Variants in BLOC1S3 observed in about 807,000 individuals in gnomAD.
BLOC1S3 encodes the protein biogenesis of lysosome-related organelles complex 1 subunit 3.
Under a neutral mutation model 9.1 loss-of-function variants are expected in BLOC1S3, and 7 were observed. The ratio of observed to expected loss-of-function variants is 0.77; its 90% CI spans 0.44 to 1.45. The LOEUF is 1.45. Among genes scored for constraint, BLOC1S3 ranks in the 40% most tolerant of loss-of-function variants. BLOC1S3 has a pLI of 0.01. For synonymous variants in BLOC1S3, 145 were observed against 158.4 expected, an observed-to-expected ratio of 0.92 and a Z score of 0.64; for missense variants, 307 against 315.2, an observed-to-expected ratio of 0.97 and a Z score of 0.20.
intron 2 of BLOC1S3, among the ~76,000 whole-genome samples, chr19:45,188,628 A>G (rs924297427): frequency 5.3e-5 from 8 of 150,706 alleles, no homozygotes; most frequent in African/African-American, 2.0e-4. Context: ...GCTGGAGTGC[A>G]ATGGTGCATT....
At chr19:45,213,065 A>G in intron 3 of BLOC1S3, 2 of 1,477,118 alleles carry the variant, frequency 1.4e-6, no homozygotes, top group Non-Finnish European at 1.8e-6. Flanking sequence ...CGGTTGGGTG[A>G]CCCTCAGCGC....
At position 45,203,262 on chromosome 19, in the gene BLOC1S3, GTTTATTTATTTA is replaced by G. The variant is rs4012978; in HGVS notation, n.282+775_282+786del. Among the ~76,000 whole-genome samples, 28 of 149,792 alleles carry G rather than the reference GTTTATTTATTTA, an allele frequency of 1.9e-4. 1 individual carries two copies. Among genetic ancestry groups the G allele is most frequent in the Middle Eastern group, 3.4e-3 (1 of 292 alleles). ...TCCTTGTGGCCTGACTGCCTTTCAA[GTTTATTTATTTA>G]TTTATTTATTTATTTATTTGAGATG... On this transcript the variant is annotated intron_variant and non_coding_transcript_variant, in intron 3 of 3. Transcript: ENST00000591569.
At chr19:45,178,999 C>G (rs138914315) in intron 1 of BLOC1S3, among the ~76,000 whole-genome samples, 168 bp downstream of exon 1, 3 of 152,186 alleles carry the variant, frequency 2.0e-5, no homozygotes, top group Middle Eastern at 3.2e-3. Context: ...GGTGTGGCCT[C>G]TACTAGGAGG....
At chr19:45,193,096 C>T (rs1171702626) in intron 2 of BLOC1S3, among the ~76,000 whole-genome samples, 1 of 134,498 alleles carries the variant, frequency 7.4e-6, no homozygotes, top group African/African-American at 2.8e-5. Flanking sequence ...CACTCCATTG[C>T]ACTCCAGCCT....
chr19:45,184,751 T>C (rs1359435207), downstream of BLOC1S3, among the ~76,000 whole-genome samples: 1 of 151,096 alleles, frequency 6.6e-6, no homozygotes, highest in Non-Finnish European at 1.5e-5. Context: ...ATACAAAAAA[T>C]TAGCTGGGCA....
At chr19:45,207,555 CAAAA>C (rs58164218) in intron 3 of BLOC1S3, among the ~76,000 whole-genome samples, 29,146 of 66,036 alleles carry the variant, frequency 0.44, 4,685 homozygotes, top group East Asian at 0.58. Flanking sequence ...GACTCTGTCT[CAAAA>C]AAAAAAAAAA....
At position 45,179,484 on chromosome 19, in the gene BLOC1S3, C is replaced by A; in HGVS notation, c.188C>A (p.Thr63Asn). 3.3e-6 allele frequency: 5 copies of A among 1,523,820 alleles called. No homozygotes were observed. The South Asian group carries it at 3.6e-5, about 11-fold the overall frequency. 94.4% of individuals were successfully genotyped at this position (1,523,820 alleles called of 1,614,324 possible). ...GLRVAGEAAE[T>N]DSEPEPEPEP... ...CGGGTGGCTGGGGAAGCCGCGGAGACCGACTCGGAGCCGGAGCCGGAGCCG... is the reference window on the plus strand; with the variant it reads ...CGGGTGGCTGGGGAAGCCGCGGAGAACGACTCGGAGCCGGAGCCGGAGCCG... Residue 63 changes from threonine (T) to asparagine (N), a missense_variant, in exon 2 of 2, where the codon ACC becomes AAC. By Grantham distance (65) the Thr-to-Asn change is moderately conservative. Coordinates refer to ENST00000433642, the MANE Select transcript of BLOC1S3 (RefSeq NM_212550.5). This position sits in a 1 kb window ranked among gnomAD's most constrained non-coding sequence, Gnocchi z 4.6.
rs59295257 is a variant in BLOC1S3, at chr19:45,202,210, TAAAAAAAA to T, written n.181-176_181-169del. ...CTGGGTGACAGAGTGAGACTCCATC[TAAAAAAAA>T]AAAAAAAAAAAAAAAAAAAGACGTG... On this transcript the variant is annotated intron_variant and non_coding_transcript_variant, in intron 2 of 3. Coordinates refer to the BLOC1S3 transcript ENST00000591569. Among the ~76,000 whole-genome samples, 223 of 54,928 alleles carry T rather than the reference TAAAAAAAA, an allele frequency of 4.1e-3. 3 individuals are homozygous for T. The highest frequency in any genetic ancestry group is 8.7e-3 in the African/African-American group (168 of 19,210). The allele number at this position is 54,928 out of a possible 152,430, so 36.0% of individuals were successfully genotyped here. A position where few individuals can be genotyped will look rare whatever the true frequency, so the allele number is the denominator to read the frequency against.
Position 45,179,465 on chromosome 19 carries a change from G to A in BLOC1S3, c.169G>A (p.Ala57Thr). 1 of 1,524,576 alleles carries A rather than the reference G, an allele frequency of 6.6e-7. No homozygotes were observed. Among genetic ancestry groups the A allele is most frequent in the Non-Finnish European group, 8.8e-7 (1 of 1,142,098 alleles). 94.4% of individuals were successfully genotyped at this position (1,524,576 alleles called of 1,614,324 possible). The change falls in exon 2 of 2, where the codon GCT becomes ACT. Residue 57 changes from alanine (A) to threonine (T), a missense_variant. By Grantham distance (58) the Ala-to-Thr change is moderately conservative. Coordinates refer to ENST00000433642, the MANE Select transcript of BLOC1S3 (RefSeq NM_212550.5). The surrounding 1 kb of genome is among the most constrained non-coding windows in gnomAD (Gnocchi z 4.6). Reference protein sequence around the residue: ...TRGRPTGLRVAGEAAETDSEP... With the variant: ...TRGRPTGLRVTGEAAETDSEP... ...CGGCCGCCCCACGGGGCTGCGGGTG[G>A]CTGGGGAAGCCGCGGAGACCGACTC... is the stretch of plus-strand genomic sequence containing the variant.
rs1317593737 is a variant in BLOC1S3 at position 45,213,370 on chromosome 19, G to T, written n.283-3306G>T. ...CACGTGCTTCTGCCTGTGGGGAGAG[G>T]AACAGACAGGTGCATGCAGATCCCC... On this transcript the variant is annotated intron_variant and non_coding_transcript_variant, in intron 3 of 3. Transcript: ENST00000591569. 3.7e-6 allele frequency: 6 copies of T among 1,612,084 alleles called. No homozygotes were observed. The South Asian group carries it at 6.6e-5, about 18-fold the overall frequency.
At chr19:45,199,764 T>C (rs1301002674) in intron 2 of BLOC1S3, among the ~76,000 whole-genome samples, 1 of 151,820 alleles carries the variant, frequency 6.6e-6, no homozygotes, top group Non-Finnish European at 1.5e-5. Flanking sequence ...TCCTCTCCTC[T>C]CTTCTCTTCT....
At chr19:45,204,586 T>C (rs1020733040) in intron 3 of BLOC1S3, among the ~76,000 whole-genome samples, 1 of 152,162 alleles carries the variant, frequency 6.6e-6, no homozygotes, top group Non-Finnish European at 1.5e-5. Flanking sequence ...GGGCTGGAAA[T>C]CCAAGATGGC....
At chr19:45,203,043 A>T (rs1414052269) in intron 3 of BLOC1S3, among the ~76,000 whole-genome samples, 2 of 151,634 alleles carry the variant, frequency 1.3e-5, no homozygotes, top group African/African-American at 4.8e-5. Flanking sequence ...AGACCTCTTG[A>T]CTTTTCGTCT....
At chr19:45,181,816 C>G (rs1969525353), downstream of BLOC1S3, 1 of 166,782 alleles carries the variant, frequency 6.0e-6, no homozygotes, top group African/African-American at 2.4e-5. Flanking sequence ...ATGGTTAGTT[C>G]CTTTTGTTTC....
chr19:45,205,081 TA>T (rs1295696272), intron 3 of BLOC1S3, among the ~76,000 whole-genome samples: 1 of 152,126 alleles, frequency 6.6e-6, no homozygotes, highest in Non-Finnish European at 1.5e-5. Flanking sequence ...GCATTGACTC[TA>T]AATTATGTAA....
intron 2 of BLOC1S3, among the ~76,000 whole-genome samples, chr19:45,196,888 A>G (rs62118495): frequency 0.4 from 58,668 of 146,628 alleles, 12,539 homozygotes; most frequent in Non-Finnish European, 0.46. Context: ...GCAACAGAGC[A>G]AGACTGTCTC....
chr19:45,206,450 G>GTTTGTTTTTTTTTTTTTTTT (rs1969726406), intron 3 of BLOC1S3, among the ~76,000 whole-genome samples: 1 of 55,152 alleles, frequency 1.8e-5, no homozygotes, highest in African/African-American at 9.4e-5. Context: ...GATTAATCAA[G>GTTTGTTTTTTTTTTTTTTTT]TTTTTTTTTT....
chr19:45,201,778 A>G (rs1031498501), intron 2 of BLOC1S3, among the ~76,000 whole-genome samples: 5 of 142,826 alleles, frequency 3.5e-5, no homozygotes, highest in Admixed American at 2.8e-4. Flanking sequence ...CCTATGTTAT[A>G]GGGGGTACCC....
At chr19:45,192,029 T>C (rs1469920620) in intron 2 of BLOC1S3, among the ~76,000 whole-genome samples, 1 of 152,180 alleles carries the variant, frequency 6.6e-6, no homozygotes, top group Non-Finnish European at 1.5e-5. Context: ...GAGCCCCCCA[T>C]CACAGGTGCG....
Sources: allele counts gnomAD v4.1 joint callset (sites outside exome capture counted in the v4.1 genomes callset), GRCh38; gene constraint gnomAD v4.1.1; non-coding constraint Gnocchi (gnomAD v3.1); transcripts MANE v1.5; gene names NCBI Gene and HGNC (gene_info 2026-07-23, HGNC 2026-07-21).